PTPRD: variants seen among roughly 807,000 people sequenced by gnomAD.
PTPRD encodes protein tyrosine phosphatase receptor type D, also known as receptor-type tyrosine-protein phosphatase delta.
In PTPRD, 34 loss-of-function variants were observed where a neutral mutation model predicts 214.5. The ratio of observed to expected loss-of-function variants is 0.16; its 90% CI spans 0.12 to 0.21. The LOEUF (loss-of-function observed/expected upper bound fraction) is 0.21, where lower values mean the gene tolerates loss of function less well. PTPRD is among the 10% of genes least tolerant of loss of function. The probability of loss-of-function intolerance (pLI) is 1.00; values close to 1 mark genes in which losing one functional copy is unlikely to be tolerated. For synonymous variants in PTPRD, 1,128 were observed against 845.7 expected (o/e 1.33, Z -5.79); for missense variants, 2,545 against 2,398.7 (o/e 1.06, Z -1.27).
chr9:9,947,551 TTA>T (rs1332367358), intron 4 of PTPRD, among the ~76,000 whole-genome samples: 2,332 of 34,278 alleles, frequency 0.068, 433 homozygotes, highest in African/African-American at 0.35. Context: ...AATATATATA[TTA>T]TATATATATT....
At chr9:8,701,983 A>C (rs946553757) in intron 12 of PTPRD, among the ~76,000 whole-genome samples, 4 of 152,214 alleles carry the variant, frequency 2.6e-5, no homozygotes, top group African/African-American at 9.7e-5. Flanking sequence ...TATACTGTTT[A>C]AGTAAATTCA....
At chr9:8,652,098 G>T (rs1424402247) in intron 12 of PTPRD, among the ~76,000 whole-genome samples, 4 of 152,070 alleles carry the variant, frequency 2.6e-5, no homozygotes, top group African/African-American at 4.8e-5. Flanking sequence ...TTTTTCCCCT[G>T]TCCTCTAATT....
intron 4 of PTPRD, among the ~76,000 whole-genome samples, chr9:9,978,678 T>C (rs1421174993): frequency 6.6e-6 from 1 of 151,988 alleles, no homozygotes; most frequent in Non-Finnish European, 1.5e-5. Flanking sequence ...TATGCACAGA[T>C]AGATATAATG....
chr9:8,574,330 G>T (rs768319118), intron 14 of PTPRD, among the ~76,000 whole-genome samples: 126 of 151,904 alleles, frequency 8.3e-4, no homozygotes, highest in Non-Finnish European at 1.2e-3. Context: ...TATTCATTTT[G>T]GACATCATCT....
chr9:9,444,199 T>TC (rs1569568378), intron 8 of PTPRD, among the ~76,000 whole-genome samples: 1 of 152,196 alleles, frequency 6.6e-6, no homozygotes, highest in East Asian at 1.9e-4. Flanking sequence ...TACTTTTTTT[T>TC]CTGAACAACT....
At chr9:10,548,282 T>G (rs2130954612) in intron 2 of PTPRD, among the ~76,000 whole-genome samples, 1 of 152,262 alleles carries the variant, frequency 6.6e-6, no homozygotes, top group South Asian at 2.1e-4. Flanking sequence ...TATATATAAG[T>G]TGTTGCTTTT....
chr9:10,606,723 T>C (rs1047069585), intron 2 of PTPRD, among the ~76,000 whole-genome samples: 5 of 151,782 alleles, frequency 3.3e-5, no homozygotes, highest in African/African-American at 1.2e-4. Flanking sequence ...ATGTTACATG[T>C]GGGTAGTAGT....
At chr9:9,737,970 A>T (rs890258643) in intron 6 of PTPRD, among the ~76,000 whole-genome samples, 12 of 152,204 alleles carry the variant, frequency 7.9e-5, no homozygotes, top group African/African-American at 2.9e-4. Context: ...CAATTTCTCC[A>T]TATCCTTGCC....
At chr9:10,434,626 CA>C (rs1458589514) in intron 2 of PTPRD, among the ~76,000 whole-genome samples, 2 of 151,880 alleles carry the variant, frequency 1.3e-5, no homozygotes, top group Admixed American at 1.3e-4. Context: ...AACAGAGTCA[CA>C]ACAAAGCCTA....
intron 3 of PTPRD, among the ~76,000 whole-genome samples, chr9:10,070,228 T>C (rs2097976004): frequency 6.6e-6 from 1 of 152,058 alleles, no homozygotes; most frequent in Non-Finnish European, 1.5e-5. Flanking sequence ...TTTTTGTCCA[T>C]TGCACCATTT....
At chr9:10,377,912 T>G (rs1465092535) in intron 2 of PTPRD, among the ~76,000 whole-genome samples, 1 of 152,116 alleles carries the variant, frequency 6.6e-6, no homozygotes, top group Admixed American at 6.5e-5. Flanking sequence ...TCATTTCTTT[T>G]GGGTGTATAT....
intron 9 of PTPRD, among the ~76,000 whole-genome samples, chr9:9,368,163 C>G (rs1016218716): frequency 6.6e-6 from 1 of 151,690 alleles, no homozygotes; most frequent in Non-Finnish European, 1.5e-5. Context: ...TGGGGTAAAA[C>G]GTTAGACCTG....
At chr9:9,279,611 A>T (rs1946929295) in intron 9 of PTPRD, among the ~76,000 whole-genome samples, 1 of 150,700 alleles carries the variant, frequency 6.6e-6, no homozygotes, top group South Asian at 2.1e-4. Flanking sequence ...ATTTCACTAA[A>T]AGGTAACTGT....
At chr9:9,674,360 C>G (rs927064291) in intron 7 of PTPRD, among the ~76,000 whole-genome samples, 1 of 150,792 alleles carries the variant, frequency 6.6e-6, no homozygotes, top group Admixed American at 6.6e-5. Context: ...TTACCTTCTC[C>G]GTGATAAAGT....
chr9:9,719,798 C>T (rs551987083), intron 7 of PTPRD, among the ~76,000 whole-genome samples: 4 of 152,288 alleles, frequency 2.6e-5, no homozygotes, highest in South Asian at 2.1e-4. Flanking sequence ...CGCTTTCAGG[C>T]GCACTGCATT....
At chr9:8,922,548 A>C (rs1353551558) in intron 11 of PTPRD, among the ~76,000 whole-genome samples, 1 of 152,202 alleles carries the variant, frequency 6.6e-6, no homozygotes, top group African/African-American at 2.4e-5. Context: ...TTGCCATCCA[A>C]CTGCGTAGGA....
Position 9,520,022 on chromosome 9 carries a change from TTAGAA to T in PTPRD, c.-237+54705_-237+54709del, listed in dbSNP as rs542636677. On this transcript the variant is annotated intron_variant, in intron 8 of 45. Transcript: ENST00000381196. ...ATAGGCCTATGTATGTAGACTTTCT[TTAGAA>T]TAAAGTTGGTACTTCAAAACATTGG... is the stretch of plus-strand genomic sequence containing the variant. Among the ~76,000 whole-genome samples, 378 of 152,088 alleles carry T rather than the reference TTAGAA, an allele frequency of 2.5e-3. 2 individuals are homozygous for T. Among genetic ancestry groups the T allele is most frequent in the African/African-American group, 8.5e-3 (353 of 41,530 alleles).
At chr9:9,837,072 T>C (rs765020143) in intron 5 of PTPRD, among the ~76,000 whole-genome samples, 1 of 151,980 alleles carries the variant, frequency 6.6e-6, no homozygotes, top group Non-Finnish European at 1.5e-5. Flanking sequence ...TCTACATACA[T>C]TCTTTTCCCT....
chr9:8,784,804 A>G (rs1254180709), intron 11 of PTPRD, among the ~76,000 whole-genome samples: 1 of 152,190 alleles, frequency 6.6e-6, no homozygotes, highest in Non-Finnish European at 1.5e-5. Context: ...AAAAAGTTTG[A>G]AAAGCAGAAA....
Sources: gnomAD v4.1 joint callset for allele counts (sites outside exome capture counted in the v4.1 genomes callset) on GRCh38, gnomAD v4.1.1 for gene constraint, MANE v1.5 for transcripts, NCBI Gene and HGNC (gene_info 2026-07-23, HGNC 2026-07-21) for gene names.